ARHGAP45: variants seen among roughly 807,000 people sequenced by gnomAD.
ARHGAP45 encodes Rho GTPase activating protein 45.
In ARHGAP45, 56 loss-of-function variants were observed where a neutral mutation model predicts 116.1. The ratio of observed to expected loss-of-function variants is 0.48; its 90% CI spans 0.39 to 0.60. The LOEUF (loss-of-function observed/expected upper bound fraction) is 0.60, where lower values mean the gene tolerates loss of function less well. Ranked by LOEUF, ARHGAP45 falls within the 20% of genes least tolerant of loss-of-function variation. ARHGAP45 has a pLI of 0.00. For synonymous variants in ARHGAP45, 866 were observed against 701.7 expected, an observed-to-expected ratio of 1.23 and a Z score of -3.70; for missense variants, 1,622 against 1,601.0, an observed-to-expected ratio of 1.01 and a Z score of -0.22.
At chr19:1,075,798 TA>T (rs2043235008) in intron 10 of ARHGAP45, among the ~76,000 whole-genome samples, 1 of 152,200 alleles carries the variant, frequency 6.6e-6, no homozygotes, top group African/African-American at 2.4e-5. Context: ...GTATTTTTTG[TA>T]TACTCACTAT....
At chr19:1,079,321 T>G (rs2043355143) in intron 11 of ARHGAP45, among the ~76,000 whole-genome samples, 1 of 150,902 alleles carries the variant, frequency 6.6e-6, no homozygotes, top group African/African-American at 2.4e-5. Flanking sequence ...GGCAACATGG[T>G]GAAACCCCTG....
At chr19:1,072,885 G>T (rs2043165707) in intron 2 of ARHGAP45, among the ~76,000 whole-genome samples, 1 of 152,192 alleles carries the variant, frequency 6.6e-6, no homozygotes, top group Non-Finnish European at 1.5e-5. Context: ...ACAAGAGGCA[G>T]TTTGCTTTCT....
Position 1,083,258 on chromosome 19 carries a change from G to A in ARHGAP45, c.2860G>A (p.Val954Met), listed in dbSNP as rs773120998. ...TEATVSLSSLVDYPHQARVIE... is the reference protein window; with the variant it reads ...TEATVSLSSLMDYPHQARVIE... ...GGCCACCGTGTCCCTCTCCTCCCTG[G>A]TGGATTATCCCCATCAGGCCCGCGT... is the stretch of plus-strand genomic sequence containing the variant. The change falls in exon 21 of 23, where the codon GTG becomes ATG. Residue 954 changes from valine to methionine, a missense_variant. Val to Met is a conservative substitution (Grantham distance 21, BLOSUM62 1). Coordinates refer to ENST00000313093, the MANE Select transcript of ARHGAP45 (RefSeq NM_012292.5). 1.2e-5 allele frequency: 19 copies of A among 1,602,796 alleles called. No homozygotes were observed. Among genetic ancestry groups the A allele is most frequent in the Non-Finnish European group, 1.6e-5 (19 of 1,174,978 alleles).
rs951358353 is a variant in ARHGAP45, at chr19:1,086,228, C to T, written c.*222C>T. ...GTGCCCTGTGCTGTCCCCTGCACCCCGGCTCAGCTGAGCTGGGGAACACTG... is the reference window on the plus strand; with the variant it reads ...GTGCCCTGTGCTGTCCCCTGCACCCTGGCTCAGCTGAGCTGGGGAACACTG... On this transcript the variant is annotated 3_prime_UTR_variant, in exon 23 of 23. Coordinates refer to ENST00000313093, the MANE Select transcript of ARHGAP45 (RefSeq NM_012292.5). 1.1e-4 allele frequency: 59 copies of T among 549,168 alleles called. No homozygotes were observed. Among genetic ancestry groups the T allele is most frequent in the South Asian group, 5.6e-4 (25 of 44,470 alleles). 34.0% of individuals were successfully genotyped at this position (549,168 alleles called of 1,614,324 possible). A position where few individuals can be genotyped will look rare whatever the true frequency, so the allele number is the denominator to read the frequency against.
chr19:1,085,846 A>AGGACGG lies in ARHGAP45; in HGVS notation c.3263_3268dup (p.Gly1088_Asp1089dup), dbSNP rs201348186. 2.1e-3 allele frequency: 3,329 copies of AGGACGG among 1,611,186 alleles called. 49 individuals carry two copies. The African/African-American group carries it at 0.032, about 16-fold the overall frequency. ...GAGCAGCTGGAGGCCACAGCCCGGG[A>AGGACGG]GGACGGGGACGGGGACGAGGACGGC... is the stretch of plus-strand genomic sequence containing the variant. On this transcript the variant is annotated inframe_insertion, in exon 23 of 23. Coordinates refer to ENST00000313093, the MANE Select transcript of ARHGAP45 (RefSeq NM_012292.5).
chr19:1,067,556 C>A, intron 1 of ARHGAP45, 61 bp downstream of exon 1: 2 of 1,455,124 alleles, frequency 1.4e-6, no homozygotes, highest in East Asian at 2.4e-5. Context: ...CAGGGACCCG[C>A]CCTGTGCTCG....
At position 1,074,886 on chromosome 19, in the gene ARHGAP45, C is replaced by CGGGCGGGCGGGGGCGGGCGG. The variant is rs750713207; in HGVS notation, c.1185+16_1185+35dup. The CGGGCGGGCGGGGGCGGGCGG allele has an allele frequency of 2.9e-5, 3 of 102,534 alleles. No homozygotes were observed. The highest frequency in any genetic ancestry group is 6.3e-5 in the Non-Finnish European group (3 of 47,368). 6.4% of individuals were successfully genotyped at this position (102,534 alleles called of 1,614,324 possible). On this transcript the variant is annotated splice_region_variant and intron_variant, in intron 10 of 22. Transcript: ENST00000313093. ...CCGTGCCCAGAGGAAGCTGGTGAGG[C>CGGGCGGGCGGGGGCGGGCGG]GGGCGGGCGGGGGCGGGCGGGGGCG...
chr19:1,067,314 GGCGACAATGTGGTCCCGAAGCGGCCA>G lies in ARHGAP45; in HGVS notation c.-88_-63del. On this transcript the variant is annotated 5_prime_UTR_variant, in exon 1 of 23. It removes an upstream start codon present in the reference 5' UTR. Transcript: ENST00000313093. Reference sequence around the variant, plus strand: ...CCTGACAGCTGGGGAGGGGGTGGCCGGCGACAATGTGGTCCCGAAGCGGCCAGCGCCGGGAGCTGCAGCGCTGAGAC... The same window carrying G: ...CCTGACAGCTGGGGAGGGGGTGGCCGGCGCCGGGAGCTGCAGCGCTGAGAC... The G allele has an allele frequency of 7.0e-7, 1 of 1,429,880 alleles. No individual in the cohort carries two copies. The highest frequency in any genetic ancestry group is 9.1e-7 in the Non-Finnish European group (1 of 1,093,098). 88.6% of individuals were successfully genotyped at this position (1,429,880 alleles called of 1,614,324 possible). A position where few individuals can be genotyped will look rare whatever the true frequency, so the allele number is the denominator to read the frequency against.
intron 11 of ARHGAP45, 97 bp from the exon 12 acceptor site, chr19:1,079,606 T>G: frequency 2.0e-6 from 3 of 1,478,560 alleles, no homozygotes; most frequent in South Asian, 2.5e-5. Context: ...CCCGAGGCGC[T>G]GGGATGACAG....
At position 1,081,703 on chromosome 19, in the gene ARHGAP45, G is replaced by A. The variant is rs1355937003; in HGVS notation, c.2344G>A (p.Val782Ile). 3 of 1,588,418 alleles carry A rather than the reference G, an allele frequency of 1.9e-6. No homozygotes were observed. Among genetic ancestry groups the A allele is most frequent in the Admixed American group, 1.7e-5 (1 of 57,652 alleles). The change falls in exon 18 of 23, where the codon GTC (valine) becomes ATC (isoleucine). Residue 782 changes from valine (V) to isoleucine (I), a missense_variant. This residue lies in a region of ARHGAP45 where 1,334 missense variants were observed against 1,263.8 expected (regional missense o/e 1.06). Coordinates refer to ENST00000313093, the MANE Select transcript of ARHGAP45 (RefSeq NM_012292.5). ...DGVPFIVKKCVCEIERRALRT... is the reference protein window; with the variant it reads ...DGVPFIVKKCICEIERRALRT... ...CGTGCCCTTCATCGTCAAGAAGTGC[G>A]TCTGCGAGATCGAGCGGCGGGCGCT... is the stretch of plus-strand genomic sequence containing the variant.
intron 2 of ARHGAP45, among the ~76,000 whole-genome samples, chr19:1,070,353 CAG>C (rs1341980171): frequency 2.6e-5 from 2 of 76,356 alleles, no homozygotes; most frequent in Non-Finnish European, 4.9e-5. Context: ...TTTTTTGAGA[CAG>C]AGTCTCACTC....
At chr19:1,083,964 C>T (rs747613522) in intron 21 of ARHGAP45, among the ~76,000 whole-genome samples, 3 of 152,180 alleles carry the variant, frequency 2.0e-5, no homozygotes, top group Non-Finnish European at 4.4e-5. Context: ...TGGTCTCGAA[C>T]TGCTGACCTC....
Position 1,084,325 on chromosome 19 carries a change from G to A in ARHGAP45, c.3043G>A (p.Ala1015Thr). ...GEAVVYPLQE[A>T]AADGCRESRV... is the part of the protein sequence containing the mutation. ...GGCGGTGGTCTACCCGCTGCAGGAG[G>A]CGGCGGCGGACGGGTGCAGAGGTGA... Residue 1015 changes from alanine (A) to threonine (T), a missense_variant, in exon 22 of 23, where the codon GCG (alanine) becomes ACG (threonine). Transcript: ENST00000313093. 3 of 1,610,316 alleles carry A rather than the reference G, an allele frequency of 1.9e-6. No individual in the cohort carries two copies. The highest frequency in any genetic ancestry group is 1.7e-5 in the Admixed American group (1 of 59,406).
chr19:1,074,420 C>G lies in ARHGAP45; in HGVS notation c.993+13C>G. ...CGTCATGCAGGAGGTGGGGGCCCCGCGGGCACGGGGCGGGGGTCCCTGGGC... is the reference window on the plus strand; with the variant it reads ...CGTCATGCAGGAGGTGGGGGCCCCGGGGGCACGGGGCGGGGGTCCCTGGGC... On this transcript the variant is annotated intron_variant, in intron 8 of 22. Coordinates refer to ENST00000313093, the MANE Select transcript of ARHGAP45 (RefSeq NM_012292.5). 6.6e-7 allele frequency: 1 copy of G among 1,524,870 alleles called. No individual in the cohort carries two copies. Among genetic ancestry groups the G allele is most frequent in the Non-Finnish European group, 8.8e-7 (1 of 1,133,632 alleles). The allele number at this position is 1,524,870 out of a possible 1,614,324, so 94.5% of individuals were successfully genotyped here.
In ARHGAP45 at chr19:1,084,088, G is replaced by A. The variant is rs190644622; in HGVS notation, c.2956-150G>A. On this transcript the variant is annotated intron_variant, in intron 21 of 22. Transcript: ENST00000313093. ...TCTTCCCTGGGTGTTTAGGGGCTGC[G>A]GTTTCTCGGGTTTGCTCTTGGCTGA... 3.6e-4 allele frequency: 249 copies of A among 698,652 alleles called. 3 individuals are homozygous for A. The highest frequency in any genetic ancestry group is 3.6e-3 in the African/African-American group (199 of 55,868). 43.3% of individuals were successfully genotyped at this position (698,652 alleles called of 1,614,324 possible).
Position 1,080,465 on chromosome 19 carries a change from C to T in ARHGAP45, c.1830C>T (p.Ala610=), listed in dbSNP as rs779611955. ...TEGTPAKDHR[A]GRGHQVHKSW... is the part of the protein sequence containing the mutation. ...CACCAGAGACGCCTCTTTCTCCAGC[C>T]GGGCGAGGACACCAGGTTCACAAGT... Residue 610 remains alanine (A), a splice_region_variant and synonymous_variant, in exon 15 of 23, where the codon GCC becomes GCT. Transcript: ENST00000313093. 2.5e-6 allele frequency: 4 copies of T among 1,612,760 alleles called. No homozygotes were observed. The highest frequency in any genetic ancestry group is 2.5e-6 in the Non-Finnish European group (3 of 1,179,914).
At position 1,067,375 on chromosome 19, in the gene ARHGAP45, G is replaced by GC. The variant is rs1314381374; in HGVS notation, c.-26dup. ...GCTGCAGCGCTGAGACCCCCAGCCC[G>GC]CCCCCTCGGGCTCCCGGCCGGGGCC... is the stretch of plus-strand genomic sequence containing the variant. On this transcript the variant is annotated 5_prime_UTR_variant, in exon 1 of 23. Transcript: ENST00000313093. 7 of 1,534,806 alleles carry GC rather than the reference G, an allele frequency of 4.6e-6. No homozygotes were observed. Among genetic ancestry groups the GC allele is most frequent in the Non-Finnish European group, 6.1e-6 (7 of 1,143,446 alleles).
chr19:1,068,434 G>C lies in ARHGAP45; in HGVS notation c.111G>C (p.Gly37=). 1.3e-6 allele frequency: 2 copies of C among 1,573,912 alleles called. No homozygotes were observed. The highest frequency in any genetic ancestry group is 1.4e-5 in the African/African-American group (1 of 74,068). The stretch of plus-strand genomic sequence containing the variant: ...CCAAGGAGCTGCCCAGGAAGGATGG[G>C]GCTGACGCGGTGTTCCCCGGACCAA... ...QPSGELPRKD[G]ADAVFPGPSL... is the part of the protein sequence containing the mutation. The change falls in exon 2 of 23, where the codon GGG becomes GGC. Residue 37 remains glycine, a synonymous_variant. Coordinates refer to ENST00000313093, the MANE Select transcript of ARHGAP45 (RefSeq NM_012292.5). The surrounding 1 kb of genome is among the most constrained non-coding windows in gnomAD (Gnocchi z 7.5).
At position 1,081,645 on chromosome 19, in the gene ARHGAP45, C is replaced by T; in HGVS notation, c.2286C>T (p.Asp762=). 6.3e-7 allele frequency: 1 copy of T among 1,580,724 alleles called. No individual in the cohort carries two copies. The highest frequency in any genetic ancestry group is 8.6e-7 in the Non-Finnish European group (1 of 1,163,794). The change falls in exon 18 of 23, where the codon GAC becomes GAT. Residue 762 remains aspartate, a synonymous_variant. Transcript: ENST00000313093. The stretch of plus-strand genomic sequence containing the variant: ...GCCGCCTGCAGCTGTTCGGCCAGGA[C>T]TTCAGCCACGCGGCCCGCAGCGCCC... ...LQGRLQLFGQ[D]FSHAARSAPD...
Sources: gnomAD v4.1 joint callset for allele counts (sites outside exome capture counted in the v4.1 genomes callset) on GRCh38, gnomAD v4.1.1 for gene constraint, gnomAD v4.1.1 regional missense constraint, Gnocchi (gnomAD v3.1) non-coding constraint, MANE v1.5 for transcripts, NCBI Gene and HGNC (gene_info 2026-07-23, HGNC 2026-07-21) for gene names.